Variants in RSRC1 observed in about 807,000 individuals in gnomAD.
The protein encoded by RSRC1 is serine/Arginine-related protein 53.
RSRC1 carries 39 observed loss-of-function variants against 49.1 expected under a neutral mutation model. The observed-to-expected ratio is 0.79, with a 90% confidence interval of 0.61 to 1.04. RSRC1 has a LOEUF of 1.04. Among genes scored for constraint, RSRC1 ranks in the 50% least tolerant of loss-of-function variants. RSRC1 has a pLI of 0.00. For missense variants in RSRC1, 388 were observed against 402.4 expected (o/e 0.96, Z 0.31); for synonymous variants, 143 against 130.8 (o/e 1.09, Z -0.63).
rs534158802 is a variant in RSRC1, at chr3:158,464,337, T to A, written c.652+3334T>A. On this transcript the variant is annotated intron_variant, in intron 7 of 9. Coordinates refer to ENST00000611884, the MANE Select transcript of RSRC1 (RefSeq NM_001271838.2). ...ATAGTAGTCTTTCTTTGCATTTGAC[T>A]TCTCTCTAATATGAATTTCCTATTT... Among the ~76,000 whole-genome samples, 5 of 152,310 alleles carry A rather than the reference T, an allele frequency of 3.3e-5. No homozygotes were observed. In the East Asian group the frequency reaches 9.6e-4, roughly 29 times the overall value.
At chr3:158,428,053 C>T (rs1380500889) in intron 6 of RSRC1, among the ~76,000 whole-genome samples, 1 of 151,750 alleles carries the variant, frequency 6.6e-6, no homozygotes, top group Non-Finnish European at 1.5e-5. Context: ...AAGCATGTAA[C>T]ATCATCTCCC....
chr3:158,139,805 T>C lies in RSRC1; in HGVS notation c.320+15814T>C, dbSNP rs560044879. Among the ~76,000 whole-genome samples the C allele has an allele frequency of 2.8e-4, 43 of 152,258 alleles. No individual in the cohort carries two copies. In the South Asian group the frequency reaches 8.7e-3, roughly 31 times the overall value. ...TGTGCCACCACGCCCAGCTAATTTCTGTATTTTTAGTAGAGATGATGGTTT... is the reference window on the plus strand; with the variant it reads ...TGTGCCACCACGCCCAGCTAATTTCCGTATTTTTAGTAGAGATGATGGTTT... On this transcript the variant is annotated intron_variant, in intron 3 of 9. Transcript: ENST00000611884.
intron 3 of RSRC1, 25 bp downstream of exon 3, chr3:158,124,016 C>G (rs771083094): frequency 2.7e-6 from 4 of 1,482,308 alleles, no homozygotes; most frequent in Non-Finnish European, 3.6e-6. Context: ...GTATTTATTG[C>G]TTTGTAACAA....
intron 4 of RSRC1, among the ~76,000 whole-genome samples, chr3:158,207,649 A>ATAGG (rs1721417792): frequency 6.9e-6 from 1 of 145,908 alleles, no homozygotes; most frequent in African/African-American, 2.6e-5. Flanking sequence ...AGATAGATAG[A>ATAGG]TAGATAGATA....
Position 158,508,530 on chromosome 3 carries a change from C to T in RSRC1, c.653-28562C>T, listed in dbSNP as rs147731057. Among the ~76,000 whole-genome samples, 407 of 151,510 alleles carry T rather than the reference C, an allele frequency of 2.7e-3. 4 individuals carry two copies. Among genetic ancestry groups the T allele is most frequent in the African/African-American group, 9.3e-3 (385 of 41,294 alleles). ...TTTTTTTTTTAAATGCATATGTAGT[C>T]GCCCCCCGCCCTTATCTGTTGTTTC... is the stretch of plus-strand genomic sequence containing the variant. On this transcript the variant is annotated intron_variant, in intron 7 of 9. Transcript: ENST00000611884.
At chr3:158,460,753 T>C (rs1312752396) in intron 6 of RSRC1, among the ~76,000 whole-genome samples, 182 bp from the exon 7 acceptor site, 1 of 151,858 alleles carries the variant, frequency 6.6e-6, no homozygotes, top group Non-Finnish European at 1.5e-5. Context: ...TAAATAAATA[T>C]TCTGAATATT....
At chr3:158,196,712 C>T (rs948203079) in intron 3 of RSRC1, among the ~76,000 whole-genome samples, 3 of 151,890 alleles carry the variant, frequency 2.0e-5, no homozygotes, top group African/African-American at 4.8e-5. Flanking sequence ...TAGCATGAAG[C>T]GTTGTTGAAT....
chr3:158,122,698 T>C (rs999905443), intron 2 of RSRC1, among the ~76,000 whole-genome samples: 3 of 152,166 alleles, frequency 2.0e-5, no homozygotes, highest in Admixed American at 6.5e-5. Context: ...TCATTTACAT[T>C]AGGTGTATCT....
intron 4 of RSRC1, among the ~76,000 whole-genome samples, chr3:158,211,330 A>G (rs1359766120): frequency 1.3e-5 from 2 of 151,970 alleles, no homozygotes; most frequent in Non-Finnish European, 2.9e-5. Flanking sequence ...CCTCATACAA[A>G]TATACATGAA....
intron 6 of RSRC1, among the ~76,000 whole-genome samples, chr3:158,367,084 T>C (rs1731808906): frequency 6.6e-6 from 1 of 152,196 alleles, no homozygotes; most frequent in Non-Finnish European, 1.5e-5. Flanking sequence ...TCATGTCATC[T>C]GCAAACAGCA....
At chr3:158,208,326 T>A (rs1721461419) in intron 4 of RSRC1, among the ~76,000 whole-genome samples, 2 of 152,160 alleles carry the variant, frequency 1.3e-5, no homozygotes, top group South Asian at 4.1e-4. Flanking sequence ...GAGTAAAGAA[T>A]GGCTACTCCG....
At chr3:158,152,277 G>A (rs1386373760) in intron 3 of RSRC1, among the ~76,000 whole-genome samples, 5 of 152,020 alleles carry the variant, frequency 3.3e-5, no homozygotes, top group Non-Finnish European at 5.9e-5. Context: ...GTGCCGTATT[G>A]ATTTTTGCTA....
intron 4 of RSRC1, among the ~76,000 whole-genome samples, chr3:158,207,104 A>C (rs1721382646): frequency 6.6e-6 from 1 of 152,180 alleles, no homozygotes; most frequent in Admixed American, 6.6e-5. Context: ...TAGGCTTCTA[A>C]TTCAAATGGA....
chr3:158,507,269 A>G (rs1218833635), intron 7 of RSRC1, among the ~76,000 whole-genome samples: 1 of 152,176 alleles, frequency 6.6e-6, no homozygotes, highest in African/African-American at 2.4e-5. Flanking sequence ...AGTTGGTTAA[A>G]GAGTACAAAA....
intron 3 of RSRC1, among the ~76,000 whole-genome samples, chr3:158,174,075 T>C (rs1719053518): frequency 6.6e-6 from 1 of 152,060 alleles, no homozygotes; most frequent in African/African-American, 2.4e-5. Flanking sequence ...GTTTTACATA[T>C]AAAATGGATG....
At chr3:158,509,978 C>A (rs1161307627) in intron 7 of RSRC1, among the ~76,000 whole-genome samples, 1 of 152,158 alleles carries the variant, frequency 6.6e-6, no homozygotes, top group African/African-American at 2.4e-5. Flanking sequence ...ATAAAGTACA[C>A]ACATCTTCAG....
intron 4 of RSRC1, among the ~76,000 whole-genome samples, chr3:158,204,869 T>C (rs1054023539): frequency 1.3e-5 from 2 of 152,138 alleles, no homozygotes; most frequent in African/African-American, 4.8e-5. Context: ...TTATATTATA[T>C]AAAACATTAT....
chr3:158,192,566 G>T (rs76708628), intron 3 of RSRC1, among the ~76,000 whole-genome samples: 3 of 152,022 alleles, frequency 2.0e-5, no homozygotes, highest in African/African-American at 7.2e-5. Context: ...CTTGATAGAA[G>T]ACCTCACTGC....
intron 4 of RSRC1, among the ~76,000 whole-genome samples, chr3:158,213,427 A>G (rs558707922): frequency 6.6e-6 from 1 of 152,092 alleles, no homozygotes; most frequent in East Asian, 1.9e-4. Flanking sequence ...TGATAAAGAT[A>G]TGATCCTTGG....
Sources: gnomAD v4.1 joint callset for allele counts (sites outside exome capture counted in the v4.1 genomes callset) on GRCh38, gnomAD v4.1.1 for gene constraint, MANE v1.5 for transcripts, NCBI Gene and HGNC (gene_info 2026-07-23, HGNC 2026-07-21) for gene names.